The following FNDC3A variants were observed in gnomAD, a reference collection of about 807,000 sequenced individuals.
The protein encoded by FNDC3A is fibronectin type III domain containing 3A, also known as fibronectin type-III domain-containing protein 3A.
FNDC3A carries 32 observed loss-of-function variants against 148.9 expected under a neutral mutation model. The observed-to-expected ratio is 0.21, with a 90% CI of 0.16 to 0.29. The LOEUF is 0.29. Among genes scored for constraint, FNDC3A ranks in the 10% least tolerant of loss-of-function variants. FNDC3A has a pLI of 1.00. For synonymous variants in FNDC3A, 472 were observed against 473.6 expected, an observed-to-expected ratio of 1.00 and a Z score of 0.04; for missense variants, 1,191 against 1,452.8, an observed-to-expected ratio of 0.82 and a Z score of 2.93.
intron 14 of FNDC3A, among the ~76,000 whole-genome samples, chr13:49,182,560 C>T (rs1013207214): frequency 3.3e-5 from 5 of 150,256 alleles, no homozygotes; most frequent in Admixed American, 6.6e-5. Flanking sequence ...TTTTTTTTTC[C>T]AGTCCCCACT....
At chr13:49,029,215 C>T (rs568505908) in intron 2 of FNDC3A, among the ~76,000 whole-genome samples, 5 of 152,020 alleles carry the variant, frequency 3.3e-5, no homozygotes, top group South Asian at 4.1e-4. Context: ...AGAAATAATA[C>T]AAAGTATTTT....
intron 2 of FNDC3A, among the ~76,000 whole-genome samples, chr13:49,070,881 C>CTTTTTT (rs758290861): frequency 7.5e-4 from 91 of 120,914 alleles, no homozygotes; most frequent in Non-Finnish European, 8.3e-4. Flanking sequence ...AACAGGATTT[C>CTTTTTT]TTTTTTTTTT....
At chr13:49,012,383 T>C (rs1340809565) in intron 2 of FNDC3A, among the ~76,000 whole-genome samples, 1 of 152,142 alleles carries the variant, frequency 6.6e-6, no homozygotes, top group Non-Finnish European at 1.5e-5. Flanking sequence ...AAAGTGTATT[T>C]ATGGATTTTT....
At position 49,207,704 on chromosome 13, in the gene FNDC3A, T is replaced by C. The variant is rs1886718717; in HGVS notation, c.*309T>C. The C allele has an allele frequency of 7.9e-6, 2 of 253,162 alleles. No homozygotes were observed. Among genetic ancestry groups the C allele is most frequent in the South Asian group, 1.2e-4 (2 of 16,412 alleles). 15.7% of individuals were successfully genotyped at this position (253,162 alleles called of 1,614,324 possible). A position where few individuals can be genotyped will look rare whatever the true frequency, so the allele number is the denominator to read the frequency against. Reference sequence around the variant, plus strand: ...AAGAGGCAACAATTTAGAATGGATATTTTGACGAATCGGCATGAGTGTAAC... The same window carrying C: ...AAGAGGCAACAATTTAGAATGGATACTTTGACGAATCGGCATGAGTGTAAC... On this transcript the variant is annotated 3_prime_UTR_variant, in exon 26 of 26. Transcript: ENST00000492622.
At chr13:49,156,705 G>A (rs909565404) in intron 8 of FNDC3A, among the ~76,000 whole-genome samples, 2 of 149,552 alleles carry the variant, frequency 1.3e-5, no homozygotes, top group Non-Finnish European at 3.0e-5. Context: ...AGCTCTTTTA[G>A]GGCAGGCCTG....
chr13:49,197,773 G>A lies in FNDC3A; in HGVS notation c.2389G>A (p.Gly797Arg), dbSNP rs745868902. The change falls in exon 21 of 26, where the codon GGA becomes AGA. Residue 797 changes from glycine (G) to arginine (R), a missense_variant. By Grantham distance (125) the Gly-to-Arg change is moderately radical. Transcript: ENST00000492622. ...TGTCACTGAATATCGACTGGAGTGG[G>A]GAGGAGTTGAAGGAAGTATGCAGAT... ...TDVTEYRLEWGGVEGSMQICY... is the reference protein window; with the variant it reads ...TDVTEYRLEWRGVEGSMQICY... 9.9e-6 allele frequency: 16 copies of A among 1,610,794 alleles called. No individual in the cohort carries two copies. In the South Asian group the frequency reaches 1.8e-4, roughly 18 times the overall value.
intron 2 of FNDC3A, among the ~76,000 whole-genome samples, chr13:49,054,024 T>C (rs1049089106): frequency 1.3e-5 from 2 of 152,344 alleles, no homozygotes; most frequent in Middle Eastern, 3.4e-3. Context: ...GAGTCTGTTC[T>C]GTCAGTCTTA....
At chr13:49,092,815 A>G (rs1347873881) in intron 3 of FNDC3A, among the ~76,000 whole-genome samples, 1 of 149,942 alleles carries the variant, frequency 6.7e-6, no homozygotes, top group East Asian at 1.9e-4. Context: ...TGTCAGGCTT[A>G]TATCTCTAAT....
At chr13:48,986,404 T>G (rs1201158244) in intron 1 of FNDC3A, among the ~76,000 whole-genome samples, 32 of 126,056 alleles carry the variant, frequency 2.5e-4, no homozygotes, top group African/African-American at 9.3e-4. Flanking sequence ...TTTTTTTTTT[T>G]TTTTTTTTTG....
At chr13:49,164,395 A>G (rs999789858) in intron 8 of FNDC3A, among the ~76,000 whole-genome samples, 1 of 152,060 alleles carries the variant, frequency 6.6e-6, no homozygotes, top group African/African-American at 2.4e-5. Context: ...TTTTGTATCT[A>G]TATCTGTTTC....
At chr13:49,165,444 T>C (rs1024125934) in intron 8 of FNDC3A, among the ~76,000 whole-genome samples, 4 of 152,308 alleles carry the variant, frequency 2.6e-5, no homozygotes, top group South Asian at 2.1e-4. Flanking sequence ...AACAGTGTTA[T>C]GGTGTCTGTG....
chr13:49,149,716 T>C (rs1461212544), intron 8 of FNDC3A, among the ~76,000 whole-genome samples: 1 of 152,190 alleles, frequency 6.6e-6, no homozygotes, highest in Admixed American at 6.6e-5. Context: ...TAGAATGAGT[T>C]AGAGAGAATT....
chr13:49,034,499 T>A (rs1874355691), intron 2 of FNDC3A, among the ~76,000 whole-genome samples: 1 of 152,048 alleles, frequency 6.6e-6, no homozygotes, highest in Non-Finnish European at 1.5e-5. Flanking sequence ...TAGAGGTACT[T>A]CAATAACTTA....
At chr13:48,977,883 T>A (rs1308884525) in intron 1 of FNDC3A, among the ~76,000 whole-genome samples, 2 of 152,188 alleles carry the variant, frequency 1.3e-5, no homozygotes, top group Non-Finnish European at 2.9e-5. Flanking sequence ...TATGTGTAGG[T>A]TAACTGGAAA....
At position 48,994,858 on chromosome 13, in the gene FNDC3A, G is replaced by A. The variant is rs1020523733; in HGVS notation, c.-39-11294G>A. Among the ~76,000 whole-genome samples, 16 of 152,022 alleles carry A rather than the reference G, an allele frequency of 1.1e-4. 1 individual carries two copies. Among genetic ancestry groups the A allele is most frequent in the Admixed American group, 6.6e-5 (1 of 15,260 alleles). ...CATAATACTGCAAGACAGGAAGTGG[G>A]GTATAGATGAAACTAGACTGGTCAT... On this transcript the variant is annotated intron_variant, in intron 1 of 25. Coordinates refer to ENST00000492622, the MANE Select transcript of FNDC3A (RefSeq NM_001079673.2).
At chr13:49,185,335 G>C (rs1479804696) in intron 14 of FNDC3A, among the ~76,000 whole-genome samples, 1 of 152,158 alleles carries the variant, frequency 6.6e-6, no homozygotes, top group South Asian at 2.1e-4. Flanking sequence ...TAATTCTGAT[G>C]CAGGGTCTCT....
intron 2 of FNDC3A, among the ~76,000 whole-genome samples, chr13:49,073,231 A>G (rs894103894): frequency 1.8e-4 from 27 of 152,214 alleles, no homozygotes; most frequent in African/African-American, 1.9e-4. Flanking sequence ...AATATTTGCA[A>G]CATATTATAG....
intron 3 of FNDC3A, among the ~76,000 whole-genome samples, chr13:49,111,262 A>G (rs758075704): frequency 5.3e-5 from 8 of 152,204 alleles, no homozygotes; most frequent in Non-Finnish European, 8.8e-5. Flanking sequence ...AGGTTTCGCT[A>G]CTATAGACAC....
chr13:49,047,808 C>T (rs1274489113), intron 2 of FNDC3A, among the ~76,000 whole-genome samples: 6 of 152,132 alleles, frequency 3.9e-5, no homozygotes, highest in African/African-American at 1.2e-4. Flanking sequence ...TAAGTCCCAT[C>T]TATTAACCCT....
Sources: allele counts gnomAD v4.1 joint callset (sites outside exome capture counted in the v4.1 genomes callset), GRCh38; gene constraint gnomAD v4.1.1; transcripts MANE v1.5; gene names NCBI Gene and HGNC (gene_info 2026-07-23, HGNC 2026-07-21).